The following REPS2 variants were observed in gnomAD, a reference collection of about 807,000 sequenced individuals.
REPS2 encodes the protein ralBP1-associated Eps domain-containing protein 2.
Under a neutral mutation model 53.6 loss-of-function variants are expected in REPS2, and 23 were observed. The observed-to-expected ratio is 0.43, with a 90% CI of 0.31 to 0.61. The LOEUF (loss-of-function observed/expected upper bound fraction) is 0.61. Ranked by LOEUF, REPS2 falls within the 20% of genes least tolerant of loss-of-function variation. REPS2 has a pLI of 0.11. For missense variants in REPS2, 446 were observed against 534.9 expected, an observed-to-expected ratio of 0.83 and a Z score of 1.64; for synonymous variants, 238 against 218.6, an observed-to-expected ratio of 1.09 and a Z score of -0.78.
At chrX:17,053,799 G>T (rs2062032329) in intron 7 of REPS2, among the ~76,000 whole-genome samples, 1 of 111,841 alleles carries the variant, frequency 8.9e-6, no homozygotes, top group Admixed American at 9.5e-5. Flanking sequence ...GTATTCTTTC[G>T]ATCTGGCGTA....
intron 13 of REPS2, among the ~76,000 whole-genome samples, chrX:17,101,840 G>A (rs1323422861): frequency 1.8e-5 from 2 of 110,486 alleles, no homozygotes; most frequent in African/African-American, 6.6e-5. Context: ...TGTGTTTTTG[G>A]TTGTTTTAAA....
chrX:17,195,541 A>G, the REPS2 span, among the ~76,000 whole-genome samples: 1 of 112,247 alleles, frequency 8.9e-6, no homozygotes, highest in African/African-American at 3.2e-5. Flanking sequence ...TTCACGTACA[A>G]AACCCATCCT....
the REPS2 span, among the ~76,000 whole-genome samples, chrX:17,185,358 T>C: frequency 9.0e-6 from 1 of 111,620 alleles, no homozygotes; most frequent in Non-Finnish European, 1.9e-5. Flanking sequence ...AACAAGTCAC[T>C]AGACCAGCCC....
At chrX:17,049,977 C>T (rs1247950858) in intron 6 of REPS2, among the ~76,000 whole-genome samples, 2 of 106,146 alleles carry the variant, frequency 1.9e-5, no homozygotes, top group Non-Finnish European at 3.8e-5. Flanking sequence ...TGTCCTAGGC[C>T]TTCACAGTCA....
intron 1 of REPS2, among the ~76,000 whole-genome samples, chrX:16,966,606 G>A (rs1262841510): frequency 8.9e-6 from 1 of 112,376 alleles, no homozygotes; most frequent in Non-Finnish European, 1.9e-5. Context: ...CATAAGGTCA[G>A]GTGTGGATTT....
chrX:17,033,269 A>ATGC (rs1245702297), intron 5 of REPS2, among the ~76,000 whole-genome samples: 4 of 110,830 alleles, frequency 3.6e-5, no homozygotes, highest in Non-Finnish European at 7.6e-5. Flanking sequence ...GGTTTTCCTC[A>ATGC]TGCTTCTATG....
At chrX:16,968,915 C>G (rs1156979141) in intron 1 of REPS2, among the ~76,000 whole-genome samples, 1 of 110,074 alleles carries the variant, frequency 9.1e-6, no homozygotes, top group Non-Finnish European at 1.9e-5. Flanking sequence ...TGGAGGGGCT[C>G]CTCACTTCTC....
chrX:17,162,495 C>T, the REPS2 span, among the ~76,000 whole-genome samples: 1 of 112,747 alleles, frequency 8.9e-6, no homozygotes, highest in South Asian at 3.6e-4. Context: ...CTCAGGGCTG[C>T]GTACATGCTC....
chrX:17,005,614 T>C (rs1490567022), intron 1 of REPS2, among the ~76,000 whole-genome samples: 2 of 111,440 alleles, frequency 1.8e-5, no homozygotes, highest in South Asian at 3.7e-4. Flanking sequence ...AAAAGTAACA[T>C]TTGAGTTCAA....
the REPS2 span, among the ~76,000 whole-genome samples, chrX:17,182,585 G>A: frequency 8.9e-6 from 1 of 111,986 alleles, no homozygotes; most frequent in South Asian, 3.7e-4. Context: ...AACAACAGAA[G>A]TACAGTCAGA....
At chrX:16,952,760 T>G (rs918055507) in intron 1 of REPS2, among the ~76,000 whole-genome samples, 2 of 112,252 alleles carry the variant, frequency 1.8e-5, no homozygotes, top group African/African-American at 6.5e-5. Flanking sequence ...GAAACAACTT[T>G]ATATTTTTAC....
intron 14 of REPS2, among the ~76,000 whole-genome samples, chrX:17,106,065 A>G (rs1237792675): frequency 1.8e-5 from 2 of 112,093 alleles, no homozygotes; most frequent in Non-Finnish European, 3.8e-5. Context: ...AAGTAAAGCT[A>G]GTAAATTTTG....
In REPS2 at chrX:17,029,615, C is replaced by T. The variant is rs144651962; in HGVS notation, c.763C>T (p.Leu255Phe). The T allele has an allele frequency of 1.7e-6, 2 of 1,197,449 alleles. No individual in the cohort carries two copies. Among genetic ancestry groups the T allele is most frequent in the African/African-American group, 3.5e-5 (2 of 57,083 alleles). Residue 255 changes from leucine to phenylalanine, a missense_variant, in exon 5 of 18, where the codon CTT becomes TTT. Leu to Phe is a conservative substitution (Grantham distance 22, BLOSUM62 0). Coordinates refer to ENST00000357277, the MANE Select transcript of REPS2 (RefSeq NM_004726.3). Reference sequence around the variant, plus strand: ...CAAGCCCCTTCGGCATCAGGCTTCCCTTATCCGGGTAAGTGATGATGCAGG... The same window carrying T: ...CAAGCCCCTTCGGCATCAGGCTTCCTTTATCCGGGTAAGTGATGATGCAGG... ...GTKPLRHQAS[L>F]IRSFSVEREL...
At chrX:17,136,670 A>G (rs1282899726) in intron 16 of REPS2, 1 of 112,271 alleles carries the variant, frequency 8.9e-6, no homozygotes, top group East Asian at 2.8e-4. Context: ...CATACAGTTC[A>G]TGTTTTTAAA....
At position 16,967,200 on chromosome X, in the gene REPS2, A is replaced by AG. The variant is rs941569910; in HGVS notation, c.273+20066_273+20067insG. Among the ~76,000 whole-genome samples the AG allele has an allele frequency of 1.1e-4, 12 of 112,006 alleles. No homozygotes were observed. The Admixed American group carries it at 1.1e-3, about 11-fold the overall frequency. Reference sequence around the variant, plus strand: ...GAAATTTAAATTTCAGTTTCCATAAACAGTTTTATTGGAACACAGCTTTAC... The same window carrying AG: ...GAAATTTAAATTTCAGTTTCCATAAAGCAGTTTTATTGGAACACAGCTTTAC... On this transcript the variant is annotated intron_variant, in intron 1 of 17. Coordinates refer to ENST00000357277, the MANE Select transcript of REPS2 (RefSeq NM_004726.3).
the REPS2 span, among the ~76,000 whole-genome samples, chrX:17,180,186 AATATT>A: frequency 9.0e-6 from 1 of 111,582 alleles, no homozygotes; most frequent in Non-Finnish European, 1.9e-5. Context: ...TTAGGGTAAA[AATATT>A]AAATTTATAC....
chrX:17,124,170 G>A (rs2148120200), intron 14 of REPS2, among the ~76,000 whole-genome samples: 1 of 112,307 alleles, frequency 8.9e-6, no homozygotes, highest in South Asian at 3.7e-4. Flanking sequence ...TCCTGTAACT[G>A]TTCTGTGCTC....
chrX:17,078,724 C>T (rs1308660550), intron 13 of REPS2, among the ~76,000 whole-genome samples: 1 of 112,440 alleles, frequency 8.9e-6, no homozygotes, highest in East Asian at 2.8e-4. Flanking sequence ...TCACAGGTCT[C>T]TCTCAGGTTG....
intron 8 of REPS2, among the ~76,000 whole-genome samples, chrX:17,059,333 CT>C (rs773496078): frequency 2.0e-3 from 213 of 106,441 alleles, no homozygotes; most frequent in South Asian, 8.9e-3. Context: ...TAACTCTTAC[CT>C]TTTTCCAACT....
Sources: gnomAD v4.1 joint callset for allele counts (sites outside exome capture counted in the v4.1 genomes callset) on GRCh38, gnomAD v4.1.1 for gene constraint, MANE v1.5 for transcripts, NCBI Gene and HGNC (gene_info 2026-07-23, HGNC 2026-07-21) for gene names.